Variants in GPHN observed in about 807,000 individuals in gnomAD.
GPHN encodes the protein gephyrin.
A neutral mutation model predicts 95.5 loss-of-function variants in GPHN; 17 were observed. The ratio of observed to expected loss-of-function variants is 0.18; its 90% CI spans 0.12 to 0.27. GPHN has a LOEUF of 0.27. Among genes scored for constraint, GPHN ranks in the 10% least tolerant of loss-of-function variants. GPHN has a pLI of 1.00. For synonymous variants in GPHN, 320 were observed against 322.5 expected, an observed-to-expected ratio of 0.99 and a Z score of 0.08; for missense variants, 660 against 978.1, an observed-to-expected ratio of 0.67 and a Z score of 4.34.
At chr14:67,444,360 A>G in the GPHN span, among the ~76,000 whole-genome samples, 2 of 152,216 alleles carry the variant, frequency 1.3e-5, no homozygotes, top group Non-Finnish European at 2.9e-5. Flanking sequence ...CTTGCTTTTC[A>G]GTGGAGGAGA....
the GPHN span, among the ~76,000 whole-genome samples, chr14:67,718,972 T>C: frequency 1.3e-5 from 2 of 152,238 alleles, no homozygotes; most frequent in Admixed American, 6.5e-5. Flanking sequence ...GATAAATTGA[T>C]AAAAGTTTAT....
intron 1 of GPHN, among the ~76,000 whole-genome samples, chr14:66,677,716 G>A (rs1271472033): frequency 6.6e-6 from 1 of 152,106 alleles, no homozygotes; most frequent in East Asian, 1.9e-4. Context: ...CTGTCTTGTA[G>A]AATGTTCTAT....
chr14:66,771,671 C>G (rs1240759156), intron 2 of GPHN, among the ~76,000 whole-genome samples: 2 of 151,696 alleles, frequency 1.3e-5, no homozygotes, highest in Non-Finnish European at 2.9e-5. Context: ...GTGTGCTGCA[C>G]CCACTAACTC....
At chr14:66,976,324 A>G (rs902510630) in intron 9 of GPHN, among the ~76,000 whole-genome samples, 1 of 152,218 alleles carries the variant, frequency 6.6e-6, no homozygotes, top group African/African-American at 2.4e-5. Flanking sequence ...GTATAATTAA[A>G]TAGCTTTGAT....
At chr14:67,455,185 T>C in the GPHN span, among the ~76,000 whole-genome samples, 2 of 152,226 alleles carry the variant, frequency 1.3e-5, 1 homozygote, top group South Asian at 4.1e-4. Flanking sequence ...GCTGCCAGCC[T>C]GTCTGCTGCT....
At chr14:67,345,357 G>A in the GPHN span, among the ~76,000 whole-genome samples, 2 of 152,132 alleles carry the variant, frequency 1.3e-5, no homozygotes, top group Non-Finnish European at 2.9e-5. Flanking sequence ...AGGAGTTCGA[G>A]ACCAGCCTGA....
At chr14:66,942,044 T>C (rs2067458353) in intron 8 of GPHN, among the ~76,000 whole-genome samples, 1 of 152,180 alleles carries the variant, frequency 6.6e-6, no homozygotes, top group Non-Finnish European at 1.5e-5. Flanking sequence ...AGAGTTTTGC[T>C]CTTCTCACCC....
chr14:67,233,213 C>G, the GPHN span, among the ~76,000 whole-genome samples: 1 of 151,862 alleles, frequency 6.6e-6, no homozygotes, highest in Non-Finnish European at 1.5e-5. Context: ...GCAATCTCAG[C>G]TCACTGCAAC....
chr14:66,889,308 C>T (rs1349660210), intron 5 of GPHN, among the ~76,000 whole-genome samples: 1 of 152,042 alleles, frequency 6.6e-6, no homozygotes, highest in Non-Finnish European at 1.5e-5. Flanking sequence ...TTCTGAAGTA[C>T]ACATGGGACA....
At chr14:66,648,421 A>T (rs2064868688) in intron 1 of GPHN, among the ~76,000 whole-genome samples, 1 of 152,182 alleles carries the variant, frequency 6.6e-6, no homozygotes, top group Admixed American at 6.5e-5. Flanking sequence ...GGTAATTTAC[A>T]GTCAGGCACT....
the GPHN span, among the ~76,000 whole-genome samples, chr14:67,457,729 A>C: frequency 1.3e-5 from 2 of 152,242 alleles, no homozygotes; most frequent in African/African-American, 4.8e-5. Flanking sequence ...GCTCACTAGG[A>C]GCTCTCAGTG....
Position 66,893,718 on chromosome 14 carries a change from AACAG to A in GPHN, c.389+13689_389+13692del, listed in dbSNP as rs138126241. Among the ~76,000 whole-genome samples the A allele has an allele frequency of 9.7e-3, 1,476 of 152,272 alleles. 25 individuals carry two copies. Among genetic ancestry groups the A allele is most frequent in the African/African-American group, 0.033 (1,388 of 41,546 alleles). ...ATCACAAGCATTCTTATACACCAAT[AACAG>A]ACAAACAGAGAGCCAAATCATGAGT... On this transcript the variant is annotated intron_variant, in intron 5 of 22. Transcript: ENST00000478722.
the GPHN span, chr14:67,590,321 C>G: frequency 1.9e-6 from 1 of 529,288 alleles, no homozygotes; most frequent in Admixed American, 3.6e-5. Context: ...GGCGCAATCT[C>G]GGCTCACTGC....
intron 1 of GPHN, among the ~76,000 whole-genome samples, chr14:66,582,709 T>C (rs1193482545): frequency 1.3e-5 from 2 of 152,206 alleles, no homozygotes; most frequent in Non-Finnish European, 2.9e-5. Flanking sequence ...ACAAAGGACA[T>C]GAACTCATCA....
At chr14:66,678,580 A>T (rs2066750013) in intron 1 of GPHN, among the ~76,000 whole-genome samples, 1 of 149,642 alleles carries the variant, frequency 6.7e-6, no homozygotes, top group East Asian at 2.0e-4. Context: ...TATTTCATAG[A>T]TTTTCTTTTG....
At chr14:67,161,940 A>G (rs1383924267) in intron 19 of GPHN, among the ~76,000 whole-genome samples, 1 of 152,156 alleles carries the variant, frequency 6.6e-6, no homozygotes, top group African/African-American at 2.4e-5. Flanking sequence ...GCAGTTCATC[A>G]ATTCCTAACA....
the GPHN span, among the ~76,000 whole-genome samples, chr14:67,306,491 C>T: frequency 6.6e-6 from 1 of 150,944 alleles, no homozygotes; most frequent in Non-Finnish European, 1.5e-5. Flanking sequence ...TTACAGGCGC[C>T]CGCCACCATG....
At chr14:67,279,529 A>G in the GPHN span, 1 of 1,528,878 alleles carries the variant, frequency 6.5e-7, no homozygotes, top group African/African-American at 1.4e-5. Context: ...TATGCTGTGA[A>G]AATATTAGGT....
chr14:67,678,327 T>C, the GPHN span: 2 of 1,608,790 alleles, frequency 1.2e-6, no homozygotes, highest in Non-Finnish European at 1.7e-6. Flanking sequence ...CCTGTTAGTC[T>C]ATTGGGAGGC....
Sources: gnomAD v4.1 joint callset for allele counts (sites outside exome capture counted in the v4.1 genomes callset) on GRCh38, gnomAD v4.1.1 for gene constraint, MANE v1.5 for transcripts, NCBI Gene and HGNC (gene_info 2026-07-23, HGNC 2026-07-21) for gene names.